Variants in PTPRT observed in about 807,000 individuals in gnomAD.
PTPRT encodes the protein receptor-type tyrosine-protein phosphatase T.
A neutral mutation model predicts 176.8 loss-of-function variants in PTPRT; 56 were observed. That is an observed-to-expected ratio of 0.32 (90% confidence interval 0.26 to 0.40). PTPRT has a LOEUF of 0.40. PTPRT is among the 10% of genes least tolerant of loss of function. The pLI, the probability that PTPRT is intolerant of heterozygous loss-of-function variation, is 1.00. For synonymous variants in PTPRT, 783 were observed against 739.0 expected, an observed-to-expected ratio of 1.06 and a Z score of -0.96; for missense variants, 1,540 against 1,908.2, an observed-to-expected ratio of 0.81 and a Z score of 3.60.
At chr20:42,362,792 T>C (rs1431456723) in intron 9 of PTPRT, among the ~76,000 whole-genome samples, 1 of 152,124 alleles carries the variant, frequency 6.6e-6, no homozygotes, top group Non-Finnish European at 1.5e-5. Flanking sequence ...AACTTTTCTG[T>C]AAGTCTAAAA....
At chr20:43,099,865 G>A (rs541625255) in intron 1 of PTPRT, among the ~76,000 whole-genome samples, 6 of 152,062 alleles carry the variant, frequency 3.9e-5, no homozygotes, top group Admixed American at 1.3e-4. Context: ...TCTGGTCTTG[G>A]GACTTCTCTT....
intron 18 of PTPRT, among the ~76,000 whole-genome samples, chr20:42,138,528 G>A (rs911995317): frequency 6.6e-6 from 1 of 152,156 alleles, no homozygotes; most frequent in African/African-American, 2.4e-5. Context: ...CCAGAAGGGG[G>A]CCTCATTTTG....
chr20:42,106,270 CAG>C (rs1255097294), intron 24 of PTPRT, among the ~76,000 whole-genome samples: 1 of 152,188 alleles, frequency 6.6e-6, no homozygotes, highest in Non-Finnish European at 1.5e-5. Context: ...TCCAACTGCA[CAG>C]AGAGTTGCCT....
At chr20:42,290,816 C>T (rs1376982304) in intron 12 of PTPRT, among the ~76,000 whole-genome samples, 4 of 152,018 alleles carry the variant, frequency 2.6e-5, no homozygotes, top group Admixed American at 2.6e-4. Context: ...TAGGATGCCT[C>T]TTCAATTGAG....
chr20:42,113,243 T>C (rs1196577368), intron 22 of PTPRT, among the ~76,000 whole-genome samples: 1 of 152,224 alleles, frequency 6.6e-6, no homozygotes, highest in Admixed American at 6.5e-5. Context: ...AAAGAAAATG[T>C]AACACGAGAA....
chr20:42,646,068 T>G (rs1260724830), intron 7 of PTPRT, among the ~76,000 whole-genome samples: 1 of 152,098 alleles, frequency 6.6e-6, no homozygotes, highest in Non-Finnish European at 1.5e-5. Flanking sequence ...AGATTCTCCT[T>G]ACCCAGCCAC....
At chr20:42,113,902 C>A (rs1987143142) in intron 22 of PTPRT, among the ~76,000 whole-genome samples, 1 of 152,166 alleles carries the variant, frequency 6.6e-6, no homozygotes, top group Non-Finnish European at 1.5e-5. Flanking sequence ...TGAAAAAGAC[C>A]CTGAGACTTT....
At chr20:42,996,442 AG>A (rs771429740) in intron 1 of PTPRT, among the ~76,000 whole-genome samples, 1 of 152,224 alleles carries the variant, frequency 6.6e-6, no homozygotes, top group Non-Finnish European at 1.5e-5. Flanking sequence ...GAAGAGAAAG[AG>A]GGAAGATGTA....
At chr20:42,993,611 C>T (rs545805946) in intron 1 of PTPRT, among the ~76,000 whole-genome samples, 2 of 145,868 alleles carry the variant, frequency 1.4e-5, no homozygotes, top group South Asian at 4.3e-4. Flanking sequence ...CTCATTTGGG[C>T]CTTTCAGTTT....
chr20:42,409,137 C>A (rs375812806), intron 9 of PTPRT, among the ~76,000 whole-genome samples: 2 of 152,054 alleles, frequency 1.3e-5, no homozygotes, highest in Non-Finnish European at 2.9e-5. Flanking sequence ...AATAGTTATA[C>A]CATTGCAATC....
chr20:42,481,603 G>T (rs987428342), intron 7 of PTPRT, among the ~76,000 whole-genome samples: 1 of 151,932 alleles, frequency 6.6e-6, no homozygotes, highest in African/African-American at 2.4e-5. Context: ...GAAAATAGGC[G>T]TGTACTCATC....
intron 23 of PTPRT, among the ~76,000 whole-genome samples, chr20:42,108,263 G>T (rs1568938494): frequency 6.8e-6 from 1 of 147,208 alleles, no homozygotes; most frequent in Admixed American, 6.8e-5. Context: ...TTTCATTTCA[G>T]CATCACATAG....
intron 13 of PTPRT, among the ~76,000 whole-genome samples, chr20:42,276,526 TATATATATATATATATATATA>T (rs1568731645): frequency 1.4e-4 from 6 of 42,274 alleles, no homozygotes; most frequent in African/African-American, 4.7e-4. Flanking sequence ...TATATATATA[TATATATATATATATATATATA>T]TATATATATA....
intron 2 of PTPRT, 68 bp downstream of exon 2, chr20:42,885,739 T>C (rs2079091170): frequency 6.5e-7 from 1 of 1,549,716 alleles, no homozygotes. Flanking sequence ...AAGTAAGTTC[T>C]TCCCCCCATG....
At chr20:42,526,827 A>G (rs888433704) in intron 7 of PTPRT, among the ~76,000 whole-genome samples, 9 of 152,180 alleles carry the variant, frequency 5.9e-5, no homozygotes, top group African/African-American at 2.2e-4. Flanking sequence ...TCCAGTTTAT[A>G]GTAACATTCC....
At chr20:42,411,752 A>C (rs2059020857) in intron 9 of PTPRT, among the ~76,000 whole-genome samples, 1 of 152,178 alleles carries the variant, frequency 6.6e-6, no homozygotes, top group Non-Finnish European at 1.5e-5. Context: ...TGAAAGACAC[A>C]AACTACCAAA....
chr20:42,323,444 G>A (rs1568774613), intron 11 of PTPRT, among the ~76,000 whole-genome samples: 1 of 152,114 alleles, frequency 6.6e-6, no homozygotes, highest in Non-Finnish European at 1.5e-5. Flanking sequence ...AAAATGATGA[G>A]TTCATGTCCT....
intron 7 of PTPRT, among the ~76,000 whole-genome samples, chr20:42,674,011 T>TA (rs2075456657): frequency 6.6e-6 from 1 of 152,186 alleles, no homozygotes; most frequent in Non-Finnish European, 1.5e-5. Context: ...CCTTCCACTC[T>TA]ACATACTCTC....
At chr20:42,325,397 T>C (rs2057867158) in intron 11 of PTPRT, among the ~76,000 whole-genome samples, 1 of 152,148 alleles carries the variant, frequency 6.6e-6, no homozygotes, top group South Asian at 2.1e-4. Flanking sequence ...TGTGTAGAAA[T>C]TTAGAGGAAG....
Sources: gnomAD v4.1 joint callset for allele counts (sites outside exome capture counted in the v4.1 genomes callset) on GRCh38, gnomAD v4.1.1 for gene constraint, MANE v1.5 for transcripts, NCBI Gene and HGNC (gene_info 2026-07-23, HGNC 2026-07-21) for gene names.